The following CACNA2D3 variants were observed in gnomAD, a reference collection of about 807,000 sequenced individuals.
CACNA2D3 encodes calcium voltage-gated channel auxiliary subunit alpha2delta 3.
In CACNA2D3, 60 loss-of-function variants were observed where a neutral mutation model predicts 160.6. The observed-to-expected ratio is 0.37, with a 90% CI of 0.30 to 0.46. The LOEUF is 0.46. CACNA2D3 is among the 20% of genes least tolerant of loss of function. The pLI, the probability that CACNA2D3 is intolerant of heterozygous loss-of-function variation, is 1.00. For synonymous variants in CACNA2D3, 558 were observed against 492.9 expected, an observed-to-expected ratio of 1.13 and a Z score of -1.75; for missense variants, 1,205 against 1,365.0, an observed-to-expected ratio of 0.88 and a Z score of 1.85.
At chr3:54,333,619 C>G (rs894980790) in intron 3 of CACNA2D3, among the ~76,000 whole-genome samples, 2 of 152,030 alleles carry the variant, frequency 1.3e-5, no homozygotes, top group African/African-American at 4.8e-5. Context: ...GAGTGAAGCC[C>G]CCGGGGCAGC....
In CACNA2D3 at chr3:55,073,438, C is replaced by G; in HGVS notation, c.2988-7C>G. On this transcript the variant is annotated splice_region_variant and splice_polypyrimidine_tract_variant and intron_variant, in intron 35 of 37. Coordinates refer to ENST00000474759, the MANE Select transcript of CACNA2D3 (RefSeq NM_018398.3). The stretch of plus-strand genomic sequence containing the variant: ...AATGACTGCCTCGCTACCTCTTGTT[C>G]CAACAGGTCCTTTGTCATCCAGCAA... The G allele has an allele frequency of 1.2e-6, 2 of 1,602,496 alleles. No individual in the cohort carries two copies. Among genetic ancestry groups the G allele is most frequent in the South Asian group, 1.1e-5 (1 of 90,860 alleles).
intron 18 of CACNA2D3, among the ~76,000 whole-genome samples, chr3:54,873,105 T>G (rs9784300): frequency 0.012 from 1,874 of 152,134 alleles, 19 homozygotes; most frequent in African/African-American, 0.037. Flanking sequence ...GTTTTATTTT[T>G]CCCCAAGAAA....
At chr3:54,463,747 G>A (rs149422347) in intron 4 of CACNA2D3, among the ~76,000 whole-genome samples, 2,159 of 151,136 alleles carry the variant, frequency 0.014, 21 homozygotes, top group Non-Finnish European at 0.021. Context: ...TAGTTTGATC[G>A]TCTGAAGCCT....
intron 13 of CACNA2D3, among the ~76,000 whole-genome samples, chr3:54,806,926 C>A (rs2106687400): frequency 6.6e-6 from 1 of 152,244 alleles, no homozygotes; most frequent in East Asian, 1.9e-4. Context: ...TGATCTTTGA[C>A]AAACCTGAGA....
At chr3:55,063,872 C>T (rs376806471) in intron 35 of CACNA2D3, among the ~76,000 whole-genome samples, 97 of 152,284 alleles carry the variant, frequency 6.4e-4, no homozygotes, top group African/African-American at 2.3e-3. Context: ...GCAGGGTTGG[C>T]TTCATAATTG....
rs114198640 is a variant in CACNA2D3, at chr3:54,785,627, T to C, written c.1380+21276T>C. Among the ~76,000 whole-genome samples the C allele has an allele frequency of 4.9e-3, 753 of 152,222 alleles. 5 individuals carry two copies. Among genetic ancestry groups the C allele is most frequent in the African/African-American group, 0.017 (717 of 41,550 alleles). On this transcript the variant is annotated intron_variant, in intron 13 of 37. Coordinates refer to ENST00000474759, the MANE Select transcript of CACNA2D3 (RefSeq NM_018398.3). ...ACATGAATTATTTTCTGTAGGGAAATTGAGAAGCCAACAAGCCTGAATGCA... is the reference window on the plus strand; with the variant it reads ...ACATGAATTATTTTCTGTAGGGAAACTGAGAAGCCAACAAGCCTGAATGCA...
intron 25 of CACNA2D3, among the ~76,000 whole-genome samples, chr3:54,894,106 C>G (rs553719164): frequency 6.6e-6 from 1 of 152,134 alleles, no homozygotes; most frequent in Non-Finnish European, 1.5e-5. Flanking sequence ...CAGAGTCACC[C>G]AGTTCTTCCC....
At chr3:54,137,766 A>G (rs112380946) in intron 2 of CACNA2D3, among the ~76,000 whole-genome samples, 2 of 149,446 alleles carry the variant, frequency 1.3e-5, no homozygotes, top group Non-Finnish European at 3.0e-5. Flanking sequence ...GTTGTACTCT[A>G]TTCTACACTA....
At chr3:54,643,330 A>G (rs1052536435) in intron 11 of CACNA2D3, among the ~76,000 whole-genome samples, 1 of 152,286 alleles carries the variant, frequency 6.6e-6, no homozygotes, top group South Asian at 2.1e-4. Context: ...CTGTTGGTCC[A>G]CACCTATCAC....
At chr3:54,795,133 C>A (rs2106656847) in intron 13 of CACNA2D3, among the ~76,000 whole-genome samples, 1 of 152,156 alleles carries the variant, frequency 6.6e-6, no homozygotes, top group South Asian at 2.1e-4. Flanking sequence ...GCTGTGTCTT[C>A]AGGCCGATTA....
chr3:54,586,389 A>G (rs142866722), intron 9 of CACNA2D3, among the ~76,000 whole-genome samples: 19 of 152,286 alleles, frequency 1.2e-4, no homozygotes, highest in African/African-American at 4.1e-4. Context: ...TTAATACCAT[A>G]TAAAGTCTTC....
At chr3:55,038,907 T>C (rs73845258) in intron 35 of CACNA2D3, among the ~76,000 whole-genome samples, 29,820 of 112,320 alleles carry the variant, frequency 0.27, 4,078 homozygotes, top group African/African-American at 0.37. Flanking sequence ...TATATATATA[T>C]ACACACACTG....
At chr3:54,914,232 CTT>C (rs1700614386) in intron 27 of CACNA2D3, among the ~76,000 whole-genome samples, 1 of 151,946 alleles carries the variant, frequency 6.6e-6, no homozygotes, top group South Asian at 2.1e-4. Flanking sequence ...GGTTTAATCT[CTT>C]ATGTCAACTC....
intron 5 of CACNA2D3, among the ~76,000 whole-genome samples, chr3:54,518,915 T>C (rs933767209): frequency 5.0e-5 from 6 of 120,672 alleles, no homozygotes; most frequent in Admixed American, 8.9e-5. Flanking sequence ...GTAGCTAATG[T>C]GAGGAATTAA....
In CACNA2D3 at chr3:54,562,837, T is replaced by G. The variant is rs1479786352; in HGVS notation, c.582T>G (p.Ser194=). 4.3e-6 allele frequency: 7 copies of G among 1,613,124 alleles called. No homozygotes were observed. The South Asian group carries it at 5.5e-5, about 13-fold the overall frequency. Residue 194 remains serine (S), a synonymous_variant, in exon 6 of 38, where the codon TCT becomes TCG. Coordinates refer to ENST00000474759, the MANE Select transcript of CACNA2D3 (RefSeq NM_018398.3). The stretch of plus-strand genomic sequence containing the variant: ...TCAATGGGGTTTATTGGTCTGAATC[T>G]CTAAACAAAGTTTTTGTAGATAACT... ...AIVNGVYWSE[S]LNKVFVDNFD... is the part of the protein sequence containing the mutation.
intron 18 of CACNA2D3, chr3:54,876,416 G>A (rs1699659392): frequency 6.6e-6 from 1 of 152,188 alleles, no homozygotes; most frequent in African/African-American, 2.4e-5. Flanking sequence ...CTCTGGCAAG[G>A]AGGACAGAAA....
intron 12 of CACNA2D3, among the ~76,000 whole-genome samples, chr3:54,763,653 ATGTGTG>A (rs34209151): frequency 2.1e-5 from 3 of 140,714 alleles, no homozygotes; most frequent in African/African-American, 5.3e-5. Flanking sequence ...GTGTATATAT[ATGTGTG>A]TGTGTGTGTG....
chr3:54,351,960 A>T (rs969377886), intron 3 of CACNA2D3, among the ~76,000 whole-genome samples: 3 of 152,174 alleles, frequency 2.0e-5, no homozygotes, highest in Non-Finnish European at 4.4e-5. Flanking sequence ...CCTTTGCAGC[A>T]CTTCTCTCAG....
intron 2 of CACNA2D3, among the ~76,000 whole-genome samples, chr3:54,258,973 G>T (rs1325624928): frequency 1.3e-5 from 2 of 152,216 alleles, no homozygotes; most frequent in African/African-American, 2.4e-5. Flanking sequence ...GGTAGCTAAA[G>T]TATTAACCTG....
Sources: allele counts gnomAD v4.1 joint callset (sites outside exome capture counted in the v4.1 genomes callset), GRCh38; gene constraint gnomAD v4.1.1; transcripts MANE v1.5; gene names NCBI Gene and HGNC (gene_info 2026-07-23, HGNC 2026-07-21).